PIAS1: variants seen among roughly 807,000 people sequenced by gnomAD.
PIAS1 encodes E3 SUMO-protein ligase PIAS1.
A neutral mutation model predicts 71.3 loss-of-function variants in PIAS1; 6 were observed. The observed-to-expected ratio is 0.08, with a 90% CI of 0.05 to 0.17. The LOEUF is 0.17. PIAS1 is among the 10% of genes least tolerant of loss of function. The probability of loss-of-function intolerance (pLI) is 1.00; values close to 1 mark genes in which losing one functional copy is unlikely to be tolerated. For synonymous variants in PIAS1, 303 were observed against 292.9 expected (o/e 1.03, Z -0.35); for missense variants, 555 against 793.6 (o/e 0.70, Z 3.61).
intron 1 of PIAS1, among the ~76,000 whole-genome samples, chr15:68,083,483 A>T (rs2092248572): frequency 1.3e-5 from 2 of 152,120 alleles, no homozygotes; most frequent in African/African-American, 4.8e-5. Context: ...TTCTTTTCTT[A>T]TCTTAATCGC....
In PIAS1 at chr15:68,181,250, G is replaced by A. The variant is rs778533264; in HGVS notation, c.1520G>A (p.Arg507His). 117 of 1,612,980 alleles carry A rather than the reference G, an allele frequency of 7.3e-5. 1 individual carries two copies. The highest frequency in any genetic ancestry group is 6.3e-4 in the South Asian group (57 of 91,006). Residue 507 changes from arginine to histidine, a missense_variant, in exon 12 of 14, where the codon CGC (arginine) becomes CAC (histidine). Coordinates refer to ENST00000249636, the MANE Select transcript of PIAS1 (RefSeq NM_016166.3). ...CCACATCAAGCATCTCCAGTATCCC[G>A]CACCCCAAGCCTTCCTGCTGTAGAC... ...SLPHQASPVS[R>H]TPSLPAVDTS...
chr15:68,126,489 C>T lies in PIAS1; in HGVS notation c.470-15457C>T, dbSNP rs76473262. Among the ~76,000 whole-genome samples, 900 of 152,304 alleles carry T rather than the reference C, an allele frequency of 5.9e-3. 6 individuals carry two copies. Among genetic ancestry groups the T allele is most frequent in the African/African-American group, 0.021 (859 of 41,570 alleles). ...GAGACAAGGCTGGCTCTCACCCAGG[C>T]TGGAGTACAGTGTTGGAATCTTGGC... On this transcript the variant is annotated intron_variant, in intron 2 of 13. Transcript: ENST00000249636.
intron 2 of PIAS1, among the ~76,000 whole-genome samples, chr15:68,106,354 A>AGC (rs2092469508): frequency 2.3e-5 from 1 of 43,568 alleles, no homozygotes; most frequent in Non-Finnish European, 6.9e-5. Context: ...ACCTTTGCAA[A>AGC]AAAAAAAAAA....
At chr15:68,142,068 T>C in intron 3 of PIAS1, 38 bp downstream of exon 3, 1 of 1,320,934 alleles carries the variant, frequency 7.6e-7, no homozygotes, top group Non-Finnish European at 1.1e-6. Flanking sequence ...GTTTGACCTT[T>C]GAATCCAGTA....
At chr15:68,112,404 C>CT (rs2092530033) in intron 2 of PIAS1, among the ~76,000 whole-genome samples, 1 of 152,144 alleles carries the variant, frequency 6.6e-6, no homozygotes, top group African/African-American at 2.4e-5. Flanking sequence ...AATTTACTGT[C>CT]TTTGATTTCT....
chr15:68,150,386 A>G (rs1025830357), intron 6 of PIAS1, among the ~76,000 whole-genome samples: 24 of 152,212 alleles, frequency 1.6e-4, no homozygotes, highest in African/African-American at 5.5e-4. Flanking sequence ...TTTCTGGGGA[A>G]GTAAAACACT....
At chr15:68,090,861 A>G (rs1358173900) in intron 2 of PIAS1, among the ~76,000 whole-genome samples, 2 of 151,748 alleles carry the variant, frequency 1.3e-5, no homozygotes, top group African/African-American at 4.8e-5. Flanking sequence ...AATTATAATT[A>G]CTTGCTTACT....
intron 2 of PIAS1, among the ~76,000 whole-genome samples, chr15:68,132,302 C>T (rs1292291773): frequency 1.3e-5 from 2 of 151,706 alleles, no homozygotes; most frequent in Non-Finnish European, 2.9e-5. Context: ...CACGGTGATA[C>T]TCCGTCTCTA....
intron 2 of PIAS1, among the ~76,000 whole-genome samples, chr15:68,094,599 T>C (rs2092358692): frequency 6.6e-6 from 1 of 152,086 alleles, no homozygotes; most frequent in African/African-American, 2.4e-5. Context: ...TATAATTGAG[T>C]TTTCCTTTTT....
chr15:68,183,941 ACT>A lies in PIAS1; in HGVS notation c.1662+277_1662+278del, dbSNP rs773050621. ...ATGTACAATATAACGATAATAAACA[ACT>A]CTGTTACTGGTTTATGCATTTACTA... is the stretch of plus-strand genomic sequence containing the variant. On this transcript the variant is annotated intron_variant, in intron 13 of 13. Transcript: ENST00000249636. 5.7e-4 allele frequency: 129 copies of A among 224,718 alleles called. 1 individual carries two copies. The highest frequency in any genetic ancestry group is 1.1e-3 in the Admixed American group (19 of 17,410). 13.9% of individuals were successfully genotyped at this position (224,718 alleles called of 1,614,324 possible).
chr15:68,187,615 G>C lies in PIAS1; in HGVS notation c.1736G>C (p.Arg579Pro), dbSNP rs780330514. 6.2e-7 allele frequency: 1 copy of C among 1,613,920 alleles called. No homozygotes were observed. Among genetic ancestry groups the C allele is most frequent in the South Asian group, 1.1e-5 (1 of 91,084 alleles). Reference protein sequence around the residue: ...SDDQDLLHSSRFFPYTSSQMF... With the variant: ...SDDQDLLHSSPFFPYTSSQMF... ...GATCAAGACCTCCTACACTCGTCTC[G>C]GTTTTTCCCGTATACCTCCTCACAG... is the stretch of plus-strand genomic sequence containing the variant. Residue 579 changes from arginine to proline, a missense_variant, in exon 14 of 14, where the codon CGG (arginine) becomes CCG (proline). This residue lies in a region of PIAS1 where 244 missense variants were observed against 307.5 expected (regional missense o/e 0.79). Transcript: ENST00000249636. This position sits in a 1 kb window ranked among gnomAD's most constrained non-coding sequence, Gnocchi z 5.3.
At chr15:68,064,108 C>G (rs997878310) in intron 1 of PIAS1, among the ~76,000 whole-genome samples, 3 of 152,052 alleles carry the variant, frequency 2.0e-5, no homozygotes, top group Non-Finnish European at 2.9e-5. Context: ...GAGTTGTGAG[C>G]TTTTTAAATG....
intron 1 of PIAS1, among the ~76,000 whole-genome samples, chr15:68,062,060 A>C (rs756352192): frequency 6.6e-6 from 1 of 152,224 alleles, no homozygotes; most frequent in Non-Finnish European, 1.5e-5. Context: ...ACTCTTGTCT[A>C]TAAGACAATC....
At position 68,189,786 on chromosome 15, in the gene PIAS1, TTGTC is replaced by T. The variant is rs1291697316; in HGVS notation, c.*1952_*1955del. On this transcript the variant is annotated 3_prime_UTR_variant, in exon 14 of 14. Coordinates refer to ENST00000249636, the MANE Select transcript of PIAS1 (RefSeq NM_016166.3). ...GCAATAAAAAAAAAACCAAAACAGA[TTGTC>T]AGTTAACCAGGAAACAGTTAATGTT... is the stretch of plus-strand genomic sequence containing the variant. The T allele has an allele frequency of 2.0e-5, 3 of 152,090 alleles. No individual in the cohort carries two copies. Among genetic ancestry groups the T allele is most frequent in the Non-Finnish European group, 4.4e-5 (3 of 67,986 alleles). The allele number at this position is 152,090 out of a possible 1,614,324, so 9.4% of individuals were successfully genotyped here. A position where few individuals can be genotyped will look rare whatever the true frequency, so the allele number is the denominator to read the frequency against.
intron 2 of PIAS1, among the ~76,000 whole-genome samples, chr15:68,120,926 G>A (rs1446957267): frequency 1.3e-5 from 2 of 152,092 alleles, no homozygotes; most frequent in African/African-American, 4.8e-5. Flanking sequence ...ATGAGCCACC[G>A]GGCCTGACCT....
chr15:68,150,040 A>G (rs371715822), intron 6 of PIAS1, among the ~76,000 whole-genome samples: 1 of 152,170 alleles, frequency 6.6e-6, no homozygotes, highest in Non-Finnish European at 1.5e-5. Context: ...ATTTTGAATT[A>G]TATCAAAATT....
Position 68,192,563 on chromosome 15 carries a change from G to C in PIAS1, c.*4728G>C, listed in dbSNP as rs2093125178. 6.6e-6 allele frequency: 1 copy of C among 152,152 alleles called. No homozygotes were observed. Among genetic ancestry groups the C allele is most frequent in the African/African-American group, 2.4e-5 (1 of 41,418 alleles). The allele number at this position is 152,152 out of a possible 1,614,324, so 9.4% of individuals were successfully genotyped here. A position where few individuals can be genotyped will look rare whatever the true frequency, so the allele number is the denominator to read the frequency against. ...CCTAGGAATTCCTCCTCTCCTTGCA[G>C]TTATGCTTGGGGAAATGAGAGTCTC... On this transcript the variant is annotated 3_prime_UTR_variant, in exon 14 of 14. Coordinates refer to ENST00000249636, the MANE Select transcript of PIAS1 (RefSeq NM_016166.3).
chr15:68,116,178 A>AT (rs1719028740), intron 2 of PIAS1, among the ~76,000 whole-genome samples: 1 of 151,216 alleles, frequency 6.6e-6, no homozygotes, highest in Non-Finnish European at 1.5e-5. Context: ...GGTTGGTATT[A>AT]TTTTTTTCTT....
intron 2 of PIAS1, among the ~76,000 whole-genome samples, chr15:68,102,469 G>T (rs1021457704): frequency 5.9e-5 from 9 of 151,996 alleles, no homozygotes; most frequent in Non-Finnish European, 1.3e-4. Context: ...TTATCTTCTC[G>T]CTCTACAAAT....
Sources: gnomAD v4.1 joint callset for allele counts (sites outside exome capture counted in the v4.1 genomes callset) on GRCh38, gnomAD v4.1.1 for gene constraint, gnomAD v4.1.1 regional missense constraint, Gnocchi (gnomAD v3.1) non-coding constraint, MANE v1.5 for transcripts, NCBI Gene and HGNC (gene_info 2026-07-23, HGNC 2026-07-21) for gene names.